The following COL15A1 variants were observed in gnomAD, a reference collection of about 807,000 sequenced individuals.
COL15A1 encodes collagen alpha-1(XV) chain.
A neutral mutation model predicts 165.9 loss-of-function variants in COL15A1; 111 were observed. The observed-to-expected ratio is 0.67, with a 90% CI of 0.57 to 0.78. COL15A1 has a LOEUF of 0.78. Ranked by LOEUF, COL15A1 falls within the 30% of genes least tolerant of loss-of-function variation. The pLI is 0.00. For synonymous variants in COL15A1, 659 were observed against 674.8 expected (o/e 0.98, Z 0.36); for missense variants, 1,745 against 1,789.7 (o/e 0.98, Z 0.45).
intron 9 of COL15A1, among the ~76,000 whole-genome samples, chr9:99,014,556 ATGAGATT>A (rs1262455256): frequency 6.6e-6 from 1 of 152,228 alleles, no homozygotes; most frequent in Non-Finnish European, 1.5e-5. Context: ...AAGCACCGAT[ATGAGATT>A]TGTCAAAGGT....
intron 16 of COL15A1, among the ~76,000 whole-genome samples, chr9:99,028,402 C>G (rs1266639029): frequency 6.6e-6 from 1 of 152,066 alleles, no homozygotes; most frequent in African/African-American, 2.4e-5. Context: ...CCTCTAATCC[C>G]AGCACTTTGG....
rs1469681572 is a variant in COL15A1 at position 99,044,587 on chromosome 9, G to C, written c.2594G>C (p.Gly865Ala). The C allele has an allele frequency of 4.3e-6, 7 of 1,614,134 alleles. No individual in the cohort carries two copies. Among genetic ancestry groups the C allele is most frequent in the Non-Finnish European group, 5.1e-6 (6 of 1,180,036 alleles). ...KGEQGEKGEP[G>A]AILTEDIPLE... ...TTGCAGGGCGAGAAGGGAGAGCCGG[G>C]TGCCATCCTGACAGAGGACATTCCT... is the stretch of plus-strand genomic sequence containing the variant. Residue 865 changes from glycine to alanine, a missense_variant, in exon 25 of 42, where the codon GGT becomes GCT. By Grantham distance (60) the Gly-to-Ala change is moderately conservative. Coordinates refer to ENST00000375001, the MANE Select transcript of COL15A1 (RefSeq NM_001855.5).
intron 22 of COL15A1, among the ~76,000 whole-genome samples, chr9:99,040,229 G>A (rs75066598): frequency 0.042 from 6,339 of 152,286 alleles, 232 homozygotes; most frequent in Non-Finnish European, 0.064. Flanking sequence ...AACACAGAGA[G>A]ACTAAAACCA....
intron 17 of COL15A1, 117 bp from the exon 18 acceptor site, chr9:99,034,897 C>G: frequency 1.0e-6 from 1 of 990,298 alleles, no homozygotes; most frequent in South Asian, 1.3e-5. Flanking sequence ...TGGTACCGAT[C>G]AGAGAATTCA....
chr9:99,027,764 G>A lies in COL15A1; in HGVS notation c.2043+1798G>A, dbSNP rs534204524. Reference sequence around the variant, plus strand: ...TCAATTTGTTGCACTGTGCACATATGAGGTTTTCTGATCAAGCAAAAACAG... The same window carrying A: ...TCAATTTGTTGCACTGTGCACATATAAGGTTTTCTGATCAAGCAAAAACAG... On this transcript the variant is annotated intron_variant, in intron 16 of 41. Transcript: ENST00000375001. 2.0e-5 allele frequency among the ~76,000 whole-genome samples: 3 copies of A among 152,290 alleles called. No individual in the cohort carries two copies. The East Asian group carries it at 5.8e-4, about 29-fold the overall frequency.
chr9:99,069,784 G>A lies in COL15A1; in HGVS notation c.4065G>A (p.Pro1355=), dbSNP rs541907574. The part of the protein sequence containing the change: ...ADTAVTGLAS[P]LSTGKILDQK... ...CAGCGGTCACGGGACTTGCCTCCCC[G>A]CTGAGCACGGGGAAGATTCTGGACC... Residue 1355 remains proline, a synonymous_variant, in exon 42 of 42, where the codon CCG becomes CCA. Coordinates refer to ENST00000375001, the MANE Select transcript of COL15A1 (RefSeq NM_001855.5). The A allele has an allele frequency of 1.2e-4, 199 of 1,614,226 alleles. 2 individuals are homozygous for A. The highest frequency in any genetic ancestry group is 9.9e-4 in the Middle Eastern group (6 of 6,060).
At chr9:98,992,891 G>A (rs577166682) in intron 5 of COL15A1, among the ~76,000 whole-genome samples, 55 of 152,270 alleles carry the variant, frequency 3.6e-4, no homozygotes, top group African/African-American at 1.2e-3. Flanking sequence ...TCAGCCAAGG[G>A]GGGCTATGAA....
chr9:98,954,400 A>G (rs1231874866), intron 2 of COL15A1, among the ~76,000 whole-genome samples: 1 of 152,232 alleles, frequency 6.6e-6, no homozygotes, highest in African/African-American at 2.4e-5. Context: ...ATAGATCATA[A>G]TATGAACAGA....
chr9:98,945,414 G>C (rs1438597597), intron 2 of COL15A1, among the ~76,000 whole-genome samples: 2 of 152,210 alleles, frequency 1.3e-5, no homozygotes, highest in Non-Finnish European at 2.9e-5. Context: ...CAGTTTTGCA[G>C]AAGAGCCATG....
chr9:99,012,837 G>C (rs1032948666), intron 9 of COL15A1, among the ~76,000 whole-genome samples: 1 of 148,936 alleles, frequency 6.7e-6, no homozygotes, highest in African/African-American at 2.5e-5. Flanking sequence ...TCAGCGTCTT[G>C]AGTAGCTGGG....
At chr9:98,981,060 G>A (rs1838229814) in intron 2 of COL15A1, among the ~76,000 whole-genome samples, 2 of 152,334 alleles carry the variant, frequency 1.3e-5, no homozygotes, top group South Asian at 4.1e-4. Context: ...GGAGTCCGTG[G>A]CAGTATCATT....
intron 2 of COL15A1, among the ~76,000 whole-genome samples, chr9:98,952,610 C>A (rs1837707383): frequency 6.6e-6 from 1 of 152,104 alleles, no homozygotes. Context: ...TGGTCTTGAA[C>A]TCCTGGGCTC....
intron 5 of COL15A1, among the ~76,000 whole-genome samples, chr9:98,996,039 C>CT (rs1359784171): frequency 2.0e-5 from 3 of 152,186 alleles, no homozygotes; most frequent in Admixed American, 6.5e-5. Flanking sequence ...AAGAATCCTC[C>CT]TTGTTCCATG....
intron 35 of COL15A1, 135 bp from the exon 36 acceptor site, chr9:99,059,754 A>G (rs541617657): frequency 3.1e-5 from 28 of 891,850 alleles, no homozygotes; most frequent in African/African-American, 2.8e-4. Flanking sequence ...AGCACCCAAG[A>G]TACAGGTGGA....
chr9:99,070,172 G>T lies in COL15A1; in HGVS notation c.*286G>T. 3.0e-6 allele frequency: 1 copy of T among 332,994 alleles called. No homozygotes were observed. The allele number at this position is 332,994 out of a possible 1,614,324, so 20.6% of individuals were successfully genotyped here. ...AGGTTAAGAGCAAGTTGAAAACAAA[G>T]GCCATGGCATTCTGCCACTGCATCC... On this transcript the variant is annotated 3_prime_UTR_variant, in exon 42 of 42. Transcript: ENST00000375001.
At chr9:99,024,568 C>T (rs1253437758) in intron 14 of COL15A1, among the ~76,000 whole-genome samples, 1 of 152,082 alleles carries the variant, frequency 6.6e-6, no homozygotes, top group East Asian at 1.9e-4. Flanking sequence ...CTAAGTTCAC[C>T]AGAGCACCTC....
intron 2 of COL15A1, among the ~76,000 whole-genome samples, chr9:98,979,106 A>T (rs1471954287): frequency 6.6e-6 from 1 of 152,180 alleles, no homozygotes; most frequent in Admixed American, 6.5e-5. Context: ...ACCTGTCATC[A>T]TTTATTATAT....
chr9:99,068,750 G>C, intron 41 of COL15A1, 80 bp downstream of exon 41: 1 of 821,328 alleles, frequency 1.2e-6, no homozygotes, highest in Non-Finnish European at 1.9e-6. Flanking sequence ...GCCTTTATCA[G>C]CTGCTTCTCT....
intron 2 of COL15A1, among the ~76,000 whole-genome samples, chr9:98,950,071 T>C (rs1299948204): frequency 6.6e-6 from 1 of 152,258 alleles, no homozygotes; most frequent in African/African-American, 2.4e-5. Flanking sequence ...ATACCAAATT[T>C]TGTTTTTCCA....
Sources: gnomAD v4.1 joint callset for allele counts (sites outside exome capture counted in the v4.1 genomes callset) on GRCh38, gnomAD v4.1.1 for gene constraint, MANE v1.5 for transcripts, NCBI Gene and HGNC (gene_info 2026-07-23, HGNC 2026-07-21) for gene names.